WDR17: variants seen among roughly 807,000 people sequenced by gnomAD.
The protein encoded by WDR17 is WD repeat domain 17, also known as WD repeat-containing protein 17.
Under a neutral mutation model 161.7 loss-of-function variants are expected in WDR17, and 143 were observed. The observed-to-expected ratio is 0.88, with a 90% CI of 0.77 to 1.02. WDR17 has a LOEUF of 1.02. Among genes scored for constraint, WDR17 ranks in the 50% least tolerant of loss-of-function variants. The pLI is 0.00. For missense variants in WDR17, 1,469 were observed against 1,520.9 expected, an observed-to-expected ratio of 0.97 and a Z score of 0.57; for synonymous variants, 517 against 515.6, an observed-to-expected ratio of 1.00 and a Z score of -0.04.
Position 176,139,930 on chromosome 4 carries a change from T to C in WDR17, c.1398T>C (p.His466=), listed in dbSNP as rs778028193. ...GAATATTCTGCATTGCCTGGAGTCA[T>C]AAAGATTCTAAAAGAATAGCAACCT... ...TNGIFCIAWS[H]KDSKRIATCS... is the part of the protein sequence containing the mutation. Residue 466 remains histidine (H), a synonymous_variant, in exon 10 of 29, where the codon CAT becomes CAC. Coordinates refer to ENST00000508596, the MANE Select transcript of WDR17 (RefSeq NM_181265.4). The C allele has an allele frequency of 9.9e-6, 16 of 1,611,982 alleles. No individual in the cohort carries two copies. Among genetic ancestry groups the C allele is most frequent in the Middle Eastern group, 1.6e-4 (1 of 6,072 alleles).
chr4:176,131,520 C>T (rs774346585), intron 6 of WDR17, 34 bp from the exon 7 acceptor site: 1 of 1,555,704 alleles, frequency 6.4e-7, no homozygotes, highest in Admixed American at 1.9e-5. Context: ...TCTGTGGTTT[C>T]ATTCCAATAG....
intron 26 of WDR17, 36 bp downstream of exon 26, chr4:176,174,754 G>A (rs770219146): frequency 7.1e-7 from 1 of 1,402,196 alleles, no homozygotes; most frequent in Non-Finnish European, 1.0e-6. Flanking sequence ...TGACATTAGA[G>A]CAATTTCTCT....
At chr4:176,078,196 G>A (rs1228740006) in intron 1 of WDR17, among the ~76,000 whole-genome samples, 1 of 151,848 alleles carries the variant, frequency 6.6e-6, no homozygotes, top group Admixed American at 6.6e-5. Context: ...ATAGTGGATT[G>A]TTTTTAGTTT....
At chr4:176,100,751 GT>G (rs199884861) in intron 1 of WDR17, among the ~76,000 whole-genome samples, 2 of 151,558 alleles carry the variant, frequency 1.3e-5, no homozygotes, top group African/African-American at 4.8e-5. Context: ...ATCTTGAATT[GT>G]TTTTTTTAAT....
Position 176,159,313 on chromosome 4 carries a change from GGA to G in WDR17, c.2526-660_2526-659del, listed in dbSNP as rs149384853. Among the ~76,000 whole-genome samples the G allele has an allele frequency of 6.5e-3, 935 of 143,600 alleles. 9 individuals are homozygous for G. The highest frequency in any genetic ancestry group is 0.022 in the African/African-American group (845 of 38,714). 94.2% of individuals were successfully genotyped at this position (143,600 alleles called of 152,430 possible). A position where few individuals can be genotyped will look rare whatever the true frequency, so the allele number is the denominator to read the frequency against. On this transcript the variant is annotated intron_variant, in intron 18 of 28. Coordinates refer to ENST00000508596, the MANE Select transcript of WDR17 (RefSeq NM_181265.4). ...CACACACACATACACACACACAGAT[GGA>G]GAGAGAGAGAGAGAGAGAGAAAGGG... is the stretch of plus-strand genomic sequence containing the variant.
At chr4:176,167,685 T>C (rs922432140) in intron 22 of WDR17, among the ~76,000 whole-genome samples, 1 of 145,490 alleles carries the variant, frequency 6.9e-6, no homozygotes, top group Non-Finnish European at 1.5e-5. Flanking sequence ...ATATCTTGAA[T>C]TATTGAAAGT....
rs749327349 is a variant in WDR17 at position 176,178,431 on chromosome 4, G to A, written c.3732+777G>A. ...GCCCTTTGTATACCATTTCTAGTAC[G>A]TGGTACCTTCAGGTTTCTTTCCTCC... On this transcript the variant is annotated intron_variant, in intron 28 of 28. Transcript: ENST00000508596. Among the ~76,000 whole-genome samples the A allele has an allele frequency of 4.6e-5, 7 of 152,104 alleles. No individual in the cohort carries two copies. The South Asian group carries it at 6.2e-4, about 13-fold the overall frequency.
chr4:176,105,043 T>C (rs1423855043), intron 1 of WDR17, among the ~76,000 whole-genome samples: 1 of 151,872 alleles, frequency 6.6e-6, no homozygotes, highest in Non-Finnish European at 1.5e-5. Context: ...GAAAAAAATT[T>C]TTTCCATGCA....
At chr4:176,125,540 A>G (rs2126737380) in intron 5 of WDR17, among the ~76,000 whole-genome samples, 185 bp downstream of exon 5, 1 of 152,324 alleles carries the variant, frequency 6.6e-6, no homozygotes, top group South Asian at 2.1e-4. Context: ...AAATGAAATG[A>G]CAAATAAAAA....
At chr4:176,105,233 A>G (rs997361769) in intron 1 of WDR17, among the ~76,000 whole-genome samples, 3 of 152,042 alleles carry the variant, frequency 2.0e-5, no homozygotes, top group African/African-American at 7.2e-5. Flanking sequence ...TATGAAGCAA[A>G]AACTAACTGA....
intron 19 of WDR17, among the ~76,000 whole-genome samples, chr4:176,160,339 T>G (rs1308612922): frequency 6.6e-6 from 1 of 152,196 alleles, no homozygotes; most frequent in Non-Finnish European, 1.5e-5. Context: ...TTTATTTTTT[T>G]GAGATGGAGT....
At chr4:176,129,285 A>C in intron 6 of WDR17, among the ~76,000 whole-genome samples, 1 of 152,132 alleles carries the variant, frequency 6.6e-6, no homozygotes, top group East Asian at 1.9e-4. Flanking sequence ...AAATTATAGG[A>C]TCTAGAATAC....
In WDR17 at chr4:176,125,173, C is replaced by T. The variant is rs777480260; in HGVS notation, c.608C>T (p.Thr203Met). 49 of 1,613,978 alleles carry T rather than the reference C, an allele frequency of 3.0e-5. No homozygotes were observed. The highest frequency in any genetic ancestry group is 7.7e-5 in the South Asian group (7 of 91,092). The change falls in exon 5 of 29, where the codon ACG becomes ATG. Residue 203 changes from threonine (T) to methionine (M), a missense_variant. Coordinates refer to ENST00000508596, the MANE Select transcript of WDR17 (RefSeq NM_181265.4). ...LEGTDEEDPV[T>M]ALEWDPLSTD... The stretch of plus-strand genomic sequence containing the variant: ...GGGACAGATGAAGAGGATCCAGTTA[C>T]GGCCTTGGAATGGGACCCACTATCT...
intron 1 of WDR17, among the ~76,000 whole-genome samples, chr4:176,079,919 C>T (rs530330833): frequency 1.3e-5 from 2 of 152,114 alleles, no homozygotes; most frequent in East Asian, 3.9e-4. Flanking sequence ...ACCACTTCCC[C>T]TCCCATGATA....
rs1213713827 is a variant in WDR17, at chr4:176,163,540, A to G, written c.2990+247A>G. Among the ~76,000 whole-genome samples the G allele has an allele frequency of 3.3e-5, 5 of 152,316 alleles. No homozygotes were observed. In the South Asian group the frequency reaches 1.0e-3, roughly 32 times the overall value. ...GTTGTAATTCCGTAGTGTTTCAAGCACTTAAAGTATCATGAGACAACAAAT... is the reference window on the plus strand; with the variant it reads ...GTTGTAATTCCGTAGTGTTTCAAGCGCTTAAAGTATCATGAGACAACAAAT... On this transcript the variant is annotated intron_variant, in intron 22 of 28. Transcript: ENST00000508596.
chr4:176,126,872 G>A (rs1006379001), intron 5 of WDR17, among the ~76,000 whole-genome samples: 2 of 152,122 alleles, frequency 1.3e-5, no homozygotes, highest in Non-Finnish European at 2.9e-5. Context: ...CATTTCTCCT[G>A]TTTGCCCTCA....
At chr4:176,156,402 G>T (rs1748129469) in intron 18 of WDR17, among the ~76,000 whole-genome samples, 1 of 152,146 alleles carries the variant, frequency 6.6e-6, no homozygotes, top group Non-Finnish European at 1.5e-5. Flanking sequence ...GGACAGATCA[G>T]CAAACATACT....
At chr4:176,165,212 TAAA>T (rs1364233374) in intron 22 of WDR17, among the ~76,000 whole-genome samples, 10 of 139,924 alleles carry the variant, frequency 7.1e-5, no homozygotes, top group African/African-American at 2.4e-4. Flanking sequence ...AAATAAAAAA[TAAA>T]AAAATTAGCC....
In WDR17 at chr4:176,156,090, C is replaced by G. The variant is rs754903806; in HGVS notation, c.2472C>G (p.Ala824=). The G allele has an allele frequency of 7.4e-6, 12 of 1,613,356 alleles. No homozygotes were observed. In the South Asian group the frequency reaches 1.3e-4, roughly 18 times the overall value. ...GCCTTCTATTGTAGTGGGACAAAGC[C>G]CTGTCAATTGCACCAGGAGTCTCTG... ...LMVELGEWDK[A]LSIAPGVSVK... The change falls in exon 18 of 29, where the codon GCC becomes GCG. Residue 824 remains alanine, a synonymous_variant. Transcript: ENST00000508596.
Sources: allele counts gnomAD v4.1 joint callset (sites outside exome capture counted in the v4.1 genomes callset), GRCh38; gene constraint gnomAD v4.1.1; transcripts MANE v1.5; gene names NCBI Gene and HGNC (gene_info 2026-07-23, HGNC 2026-07-21).